The following CACNA2D4 variants were observed in gnomAD, a reference collection of about 807,000 sequenced individuals.
CACNA2D4 encodes calcium voltage-gated channel auxiliary subunit alpha2delta 4.
A neutral mutation model predicts 163.8 loss-of-function variants in CACNA2D4; 157 were observed. The observed-to-expected ratio is 0.96, with a 90% confidence interval of 0.84 to 1.09. CACNA2D4 has a LOEUF of 1.09. CACNA2D4 is among the 50% of genes least tolerant of loss of function. The pLI is 0.00. For synonymous variants in CACNA2D4, 598 were observed against 586.9 expected (o/e 1.02, Z -0.27); for missense variants, 1,410 against 1,479.9 (o/e 0.95, Z 0.78).
intron 23 of CACNA2D4, among the ~76,000 whole-genome samples, chr12:1,850,404 T>C (rs532790850): frequency 5.3e-5 from 8 of 152,238 alleles, no homozygotes; most frequent in African/African-American, 1.4e-4. Context: ...TCTGAACTGT[T>C]CGTATTTCTT....
intron 22 of CACNA2D4, 97 bp from the exon 23 acceptor site, chr12:1,854,141 G>T: frequency 2.3e-6 from 2 of 865,646 alleles, no homozygotes; most frequent in South Asian, 1.9e-5. Flanking sequence ...TGTGCTTCCT[G>T]AACGTGTCTA....
At position 1,839,214 on chromosome 12, in the gene CACNA2D4, C is replaced by T. The variant is rs184870442; in HGVS notation, c.2551+1525G>A. Among the ~76,000 whole-genome samples the T allele has an allele frequency of 2.0e-4, 30 of 152,300 alleles. 1 individual carries two copies. Among genetic ancestry groups the T allele is most frequent in the East Asian group, 1.2e-3 (6 of 5,176 alleles). ...GAGAGTCCTCACCTGGCCAGGGCCT[C>T]GGTTACAAGGCAGGTGCCTGCCAGC... On this transcript the variant is annotated intron_variant, in intron 26 of 37. Coordinates refer to ENST00000382722, the MANE Select transcript of CACNA2D4 (RefSeq NM_172364.5).
intron 19 of CACNA2D4, 96 bp downstream of exon 19, chr12:1,860,049 G>A (rs996472937): frequency 2.1e-6 from 2 of 964,306 alleles, no homozygotes; most frequent in East Asian, 2.5e-5. Flanking sequence ...GCTGACCTGG[G>A]TCTTTTGCTA....
chr12:1,841,604 GA>G (rs1391055844), intron 25 of CACNA2D4, among the ~76,000 whole-genome samples: 1 of 152,232 alleles, frequency 6.6e-6, no homozygotes, highest in Non-Finnish European at 1.5e-5. Flanking sequence ...CCCCGGACTT[GA>G]ATTTCAAAGC....
intron 14 of CACNA2D4, 130 bp downstream of exon 14, chr12:1,879,674 G>T: frequency 1.3e-6 from 1 of 751,134 alleles, no homozygotes. Context: ...GGACAGGCCT[G>T]GAAATCTGCA....
chr12:1,816,027 T>C (rs957921202), intron 26 of CACNA2D4, among the ~76,000 whole-genome samples: 3 of 152,214 alleles, frequency 2.0e-5, no homozygotes, highest in Non-Finnish European at 4.4e-5. Flanking sequence ...TGCATCATAT[T>C]GAATCCTTCT....
chr12:1,832,264 G>C (rs1215341509), intron 26 of CACNA2D4, among the ~76,000 whole-genome samples: 3 of 152,184 alleles, frequency 2.0e-5, no homozygotes, highest in Non-Finnish European at 4.4e-5. Flanking sequence ...TGAGAAAGCT[G>C]GTTACCCTTT....
intron 2 of CACNA2D4, among the ~76,000 whole-genome samples, chr12:1,914,443 C>T (rs1450011621): frequency 1.3e-5 from 2 of 152,142 alleles, no homozygotes; most frequent in African/African-American, 4.8e-5. Flanking sequence ...GCGCAGAGGC[C>T]ACAGCCCTTT....
In CACNA2D4 at chr12:1,799,836, G is replaced by T. The variant is rs764747666; in HGVS notation, c.2975-141C>A. 4.2e-5 allele frequency: 54 copies of T among 1,291,774 alleles called. No homozygotes were observed. The highest frequency in any genetic ancestry group is 5.9e-5 in the Non-Finnish European group (54 of 915,320). The allele number at this position is 1,291,774 out of a possible 1,614,324, so 80.0% of individuals were successfully genotyped here. ...GATGATGTCACACACAGAGCCAGGA[G>T]TGAGGGATGTGATGAGAGAAGGCCA... On this transcript the variant is annotated intron_variant, in intron 33 of 37. Coordinates refer to ENST00000382722, the MANE Select transcript of CACNA2D4 (RefSeq NM_172364.5). The surrounding 1 kb of genome is among the most constrained non-coding windows in gnomAD (Gnocchi z 4.7).
At chr12:1,915,493 C>G (rs1307889117) in intron 1 of CACNA2D4, among the ~76,000 whole-genome samples, 1 of 152,178 alleles carries the variant, frequency 6.6e-6, no homozygotes, top group Non-Finnish European at 1.5e-5. Flanking sequence ...GCTGTGGCCT[C>G]TCAATAAATC....
chr12:1,865,272 C>T (rs1192552380), intron 18 of CACNA2D4, among the ~76,000 whole-genome samples: 3 of 152,230 alleles, frequency 2.0e-5, no homozygotes. Context: ...GCTGTTCGTG[C>T]GGACCTGGGG....
intron 26 of CACNA2D4, among the ~76,000 whole-genome samples, chr12:1,818,622 C>A (rs1212324119): frequency 1.3e-5 from 2 of 151,374 alleles, no homozygotes; most frequent in African/African-American, 4.9e-5. Flanking sequence ...TACCCAGGGA[C>A]ACAAACACTG....
chr12:1,797,537 T>G lies in CACNA2D4; in HGVS notation c.2996-2A>C, dbSNP rs760153616. ...GGTCCTGCTTCTTGTGTTTGTGGGC[T>G]GCGGGCGGAGAAAGGACATCACGCC... On this transcript the variant is annotated splice_acceptor_variant, in intron 34 of 37. Transcript: ENST00000382722. LOFTEE classifies it high-confidence loss of function. 3 of 1,556,904 alleles carry G rather than the reference T, an allele frequency of 1.9e-6. No homozygotes were observed. The highest frequency in any genetic ancestry group is 3.8e-5 in the Admixed American group (2 of 52,278).
intron 20 of CACNA2D4, 72 bp from the exon 21 acceptor site, chr12:1,856,301 C>T: frequency 2.0e-6 from 3 of 1,520,878 alleles, no homozygotes; most frequent in Non-Finnish European, 1.8e-6. Flanking sequence ...ATTGTAGAAA[C>T]AGCCACCCAG....
chr12:1,863,184 T>C (rs954821434), intron 18 of CACNA2D4, among the ~76,000 whole-genome samples: 2 of 152,224 alleles, frequency 1.3e-5, no homozygotes, highest in African/African-American at 4.8e-5. Flanking sequence ...GTTGAAAAGA[T>C]TGCCTTGCTC....
chr12:1,854,206 G>C (rs1185407291), intron 22 of CACNA2D4, among the ~76,000 whole-genome samples, 162 bp from the exon 23 acceptor site: 1 of 152,170 alleles, frequency 6.6e-6, no homozygotes, highest in Non-Finnish European at 1.5e-5. Flanking sequence ...ACCTCTGTCT[G>C]TCTTCACTTT....
Position 1,878,470 on chromosome 12 carries a change from C to G in CACNA2D4, c.1645-81G>C. ...GAGTTGGGCAGGGGTTTGGGGGCCA[C>G]AGGACGGTCAAAGATGGCAGCTCAC... On this transcript the variant is annotated intron_variant, in intron 15 of 37. Transcript: ENST00000382722. This position sits in a 1 kb window ranked among gnomAD's most constrained non-coding sequence, Gnocchi z 4.6. 6.4e-7 allele frequency: 1 copy of G among 1,550,906 alleles called. No homozygotes were observed.
chr12:1,917,734 C>G lies in CACNA2D4; in HGVS notation c.227+513G>C, dbSNP rs897795143. On this transcript the variant is annotated intron_variant, in intron 1 of 37. Transcript: ENST00000382722. This position sits in a 1 kb window ranked among gnomAD's most constrained non-coding sequence, Gnocchi z 4.3. ...TGTAGAAAGGGAAGACTGCGGCCACCAAAATCCATTTTTTTCCCCAGTTCC... is the reference window on the plus strand; with the variant it reads ...TGTAGAAAGGGAAGACTGCGGCCACGAAAATCCATTTTTTTCCCCAGTTCC... Among the ~76,000 whole-genome samples, 1 of 152,186 alleles carries G rather than the reference C, an allele frequency of 6.6e-6. No homozygotes were observed. Among genetic ancestry groups the G allele is most frequent in the Non-Finnish European group, 1.5e-5 (1 of 68,034 alleles).
At chr12:1,862,975 TTC>T (rs2154448675) in intron 18 of CACNA2D4, among the ~76,000 whole-genome samples, 1 of 152,332 alleles carries the variant, frequency 6.6e-6, no homozygotes, top group East Asian at 1.9e-4. Context: ...GTTTAGTGCT[TTC>T]TGTGTTTTTG....
Sources: gnomAD v4.1 joint callset for allele counts (sites outside exome capture counted in the v4.1 genomes callset) on GRCh38, gnomAD v4.1.1 for gene constraint, Gnocchi (gnomAD v3.1) non-coding constraint, MANE v1.5 for transcripts, NCBI Gene and HGNC (gene_info 2026-07-23, HGNC 2026-07-21) for gene names.